The following COX7B2 variants were observed in gnomAD, a reference collection of about 807,000 sequenced individuals.
COX7B2 encodes the protein cytochrome c oxidase subunit 7B2.
For missense variants in COX7B2, 109 were observed against 95.9 expected (o/e 1.14, Z -0.57); for synonymous variants, 37 against 32.1 (o/e 1.15, Z -0.51).
At chr4:46,784,185 G>C (rs1381036038) in intron 2 of COX7B2, among the ~76,000 whole-genome samples, 5 of 151,882 alleles carry the variant, frequency 3.3e-5, no homozygotes, top group Admixed American at 1.3e-4. Context: ...AAAAGGAGAG[G>C]GTATTTGTAT....
intron 2 of COX7B2, among the ~76,000 whole-genome samples, chr4:46,831,772 C>T (rs960040095): frequency 1.3e-5 from 2 of 152,164 alleles, no homozygotes; most frequent in Non-Finnish European, 2.9e-5. Flanking sequence ...CACCAATCAG[C>T]ACTCTGTGTC....
At position 46,780,485 on chromosome 4, in the gene COX7B2, C is replaced by G. The variant is rs1717389535; in HGVS notation, c.-49-45244G>C. Among the ~76,000 whole-genome samples the G allele has an allele frequency of 2.0e-5, 3 of 152,270 alleles. No homozygotes were observed. In the South Asian group the frequency reaches 6.2e-4, roughly 32 times the overall value. The stretch of plus-strand genomic sequence containing the variant: ...TGAGCCAAGATCGTGCCACTGCACT[C>G]CAGCCTGGGTGACAGAGAGAGACTA... On this transcript the variant is annotated intron_variant, in intron 2 of 2. Coordinates refer to ENST00000355591, the MANE Select transcript of COX7B2 (RefSeq NM_130902.3).
At chr4:46,878,979 G>A (rs1366212371) in intron 1 of COX7B2, among the ~76,000 whole-genome samples, 1 of 152,160 alleles carries the variant, frequency 6.6e-6, no homozygotes, top group Non-Finnish European at 1.5e-5. Flanking sequence ...ACCAGTTCAT[G>A]CTCAAAGATG....
At chr4:46,833,670 G>A (rs1715318670) in intron 2 of COX7B2, among the ~76,000 whole-genome samples, 2 of 152,154 alleles carry the variant, frequency 1.3e-5, no homozygotes, top group South Asian at 2.1e-4. Context: ...ATGACTATGA[G>A]ACCATTATGT....
At chr4:46,818,097 T>C (rs1463468618) in intron 2 of COX7B2, among the ~76,000 whole-genome samples, 1 of 152,226 alleles carries the variant, frequency 6.6e-6, no homozygotes, top group East Asian at 1.9e-4. Context: ...TTGGATGGAC[T>C]ATTTGAAAAC....
At chr4:46,877,536 A>G (rs1433332281) in intron 1 of COX7B2, among the ~76,000 whole-genome samples, 4 of 152,300 alleles carry the variant, frequency 2.6e-5, no homozygotes, top group East Asian at 3.9e-4. Flanking sequence ...TGTTCTACTA[A>G]CAAAGAAACC....
chr4:46,751,962 T>C (rs1360641825), intron 2 of COX7B2, among the ~76,000 whole-genome samples: 2 of 152,108 alleles, frequency 1.3e-5, no homozygotes, highest in Non-Finnish European at 2.9e-5. Flanking sequence ...AAAAAAGTAA[T>C]TCGTAGCTTG....
chr4:46,812,283 G>A lies in COX7B2; in HGVS notation c.-50+32677C>T, dbSNP rs577456047. On this transcript the variant is annotated intron_variant, in intron 2 of 2. Transcript: ENST00000355591. ...ACTAAGCTGAGGCCTATCTCTCTGA[G>A]GCACATCCCAGTAGCTTTGTCCCAG... Among the ~76,000 whole-genome samples, 5 of 152,070 alleles carry A rather than the reference G, an allele frequency of 3.3e-5. No individual in the cohort carries two copies. In the South Asian group the frequency reaches 1.0e-3, roughly 32 times the overall value.
intron 2 of COX7B2, among the ~76,000 whole-genome samples, chr4:46,754,728 G>GTATATATATATATATATATGTATA (rs1553880228): frequency 2.5e-5 from 1 of 39,866 alleles, no homozygotes; most frequent in African/African-American, 1.2e-4. Context: ...GTGTGTGTGT[G>GTATATATATATATATATATGTATA]TATATATATA....
At chr4:46,751,444 A>G (rs191435603) in intron 2 of COX7B2, among the ~76,000 whole-genome samples, 4 of 152,168 alleles carry the variant, frequency 2.6e-5, no homozygotes, top group African/African-American at 9.7e-5. Context: ...ACATGTACAT[A>G]TTAGTTATCA....
chr4:46,735,069 C>A lies in COX7B2; in HGVS notation c.124G>T (p.Val42Leu), dbSNP rs746057878. 3 of 1,614,048 alleles carry A rather than the reference C, an allele frequency of 1.9e-6. No individual in the cohort carries two copies. The highest frequency in any genetic ancestry group is 2.5e-6 in the Non-Finnish European group (3 of 1,179,972). Residue 42 changes from valine to leucine, a missense_variant, in exon 3 of 3, where the codon GTG becomes TTG. Coordinates refer to ENST00000355591, the MANE Select transcript of COX7B2 (RefSeq NM_130902.3). ...CAGAAAGCAGTTCCACTGGCTAGCA[C>A]AGCATTACCATATTTATCATGAAAA... ...PDFHDKYGNA[V>L]LASGTAFCVA... is the part of the protein sequence containing the mutation.
chr4:46,759,520 C>T lies in COX7B2; in HGVS notation c.-49-24279G>A, dbSNP rs565495519. On this transcript the variant is annotated intron_variant, in intron 2 of 2. Coordinates refer to ENST00000355591, the MANE Select transcript of COX7B2 (RefSeq NM_130902.3). ...ATTTACAAGAAAAAAACAACCCCATCAAAAAGTGGGCAAAGGATATGAACA... is the reference window on the plus strand; with the variant it reads ...ATTTACAAGAAAAAAACAACCCCATTAAAAAGTGGGCAAAGGATATGAACA... Among the ~76,000 whole-genome samples the T allele has an allele frequency of 2.6e-5, 4 of 152,000 alleles. No individual in the cohort carries two copies. The South Asian group carries it at 8.3e-4, about 32-fold the overall frequency.
chr4:46,807,784 T>C (rs1719079332), intron 2 of COX7B2, among the ~76,000 whole-genome samples: 1 of 151,926 alleles, frequency 6.6e-6, no homozygotes, highest in South Asian at 2.1e-4. Context: ...GGAAGTATCC[T>C]ATCTCCATTA....
intron 1 of COX7B2, among the ~76,000 whole-genome samples, chr4:46,860,322 A>T (rs1717261548): frequency 6.6e-6 from 1 of 152,106 alleles, no homozygotes; most frequent in South Asian, 2.1e-4. Flanking sequence ...TTTCAGAGCC[A>T]TCATCTTTCT....
At chr4:46,749,801 C>T (rs10032468) in intron 2 of COX7B2, among the ~76,000 whole-genome samples, 49,460 of 151,656 alleles carry the variant, frequency 0.33, 8,254 homozygotes, top group South Asian at 0.47. Flanking sequence ...TTCATAGGGA[C>T]AAAGTATGAG....
intron 1 of COX7B2, among the ~76,000 whole-genome samples, chr4:46,894,887 A>G (rs535051524): frequency 1.3e-5 from 2 of 152,318 alleles, no homozygotes; most frequent in South Asian, 2.1e-4. Context: ...AGAAAGGTGC[A>G]TATCAGTGAT....
intron 2 of COX7B2, among the ~76,000 whole-genome samples, chr4:46,840,780 G>C (rs1445539207): frequency 6.6e-6 from 1 of 152,022 alleles, no homozygotes; most frequent in Admixed American, 6.6e-5. Flanking sequence ...AACAGAAGTG[G>C]ACATAAGGCC....
chr4:46,901,884 A>G (rs1479449431), intron 1 of COX7B2, among the ~76,000 whole-genome samples: 4 of 152,200 alleles, frequency 2.6e-5, no homozygotes, highest in Non-Finnish European at 5.9e-5. Context: ...TGGAAGTTAC[A>G]CAATCTGTTC....
intron 1 of COX7B2, among the ~76,000 whole-genome samples, chr4:46,851,065 A>G (rs1398856391): frequency 6.6e-6 from 1 of 152,114 alleles, no homozygotes; most frequent in Non-Finnish European, 1.5e-5. Flanking sequence ...ACCGGGGAAC[A>G]AAGGCTTAGA....
Sources: allele counts gnomAD v4.1 joint callset (sites outside exome capture counted in the v4.1 genomes callset), GRCh38; gene constraint gnomAD v4.1.1; transcripts MANE v1.5; gene names NCBI Gene and HGNC (gene_info 2026-07-23, HGNC 2026-07-21).